Variants in PGM5 observed in about 807,000 individuals in gnomAD.
The protein encoded by PGM5 is phosphoglucomutase 5.
In PGM5, 23 loss-of-function variants were observed where a neutral mutation model predicts 59.2. The ratio of observed to expected loss-of-function variants is 0.39; its 90% CI spans 0.28 to 0.55. The LOEUF (loss-of-function observed/expected upper bound fraction) is 0.55, where lower values mean the gene tolerates loss of function less well. Ranked by LOEUF, PGM5 falls within the 20% of genes least tolerant of loss-of-function variation. The pLI is 0.66. For missense variants in PGM5, 574 were observed against 748.3 expected (o/e 0.77, Z 2.72); for synonymous variants, 214 against 286.0 (o/e 0.75, Z 2.54).
At chr9:68,486,438 C>T (rs1162805859) in intron 9 of PGM5, among the ~76,000 whole-genome samples, 1 of 152,214 alleles carries the variant, frequency 6.6e-6, no homozygotes, top group Non-Finnish European at 1.5e-5. Context: ...TTCCTCCCAA[C>T]ATCCCTCCAA....
rs1452276349 is a variant in PGM5 at position 68,495,503 on chromosome 9, G to A, written c.1480-3724G>A. ...GCTTTCCTAATACTTGGCTCTTGAA[G>A]GAATGTCTCAGGCAGAGCTTCATAC... On this transcript the variant is annotated intron_variant, in intron 9 of 10. Transcript: ENST00000396396. Among the ~76,000 whole-genome samples the A allele has an allele frequency of 2.0e-5, 3 of 152,292 alleles. No individual in the cohort carries two copies. The East Asian group carries it at 5.8e-4, about 29-fold the overall frequency.
Position 68,430,508 on chromosome 9 carries a change from T to C in PGM5, c.1044-34585T>C, listed in dbSNP as rs11142366. Among the ~76,000 whole-genome samples the C allele has an allele frequency of 5.3e-3, 804 of 152,368 alleles. 1 individual carries two copies. The highest frequency in any genetic ancestry group is 0.019 in the African/African-American group (785 of 41,586). On this transcript the variant is annotated intron_variant, in intron 6 of 10. Coordinates refer to ENST00000396396, the MANE Select transcript of PGM5 (RefSeq NM_021965.4). ...ATTAGAATGGTATTTTTGTAAATCCTTGTACTTTCCTCACTGACTTTCAAA... is the reference window on the plus strand; with the variant it reads ...ATTAGAATGGTATTTTTGTAAATCCCTGTACTTTCCTCACTGACTTTCAAA...
chr9:68,381,239 T>C (rs1485246494), intron 2 of PGM5, among the ~76,000 whole-genome samples: 4 of 151,950 alleles, frequency 2.6e-5, no homozygotes, highest in Non-Finnish European at 4.4e-5. Flanking sequence ...ATCCCTGACA[T>C]GCAAGACTGG....
At chr9:68,376,160 A>G (rs1458320395) in intron 1 of PGM5, among the ~76,000 whole-genome samples, 13 of 152,320 alleles carry the variant, frequency 8.5e-5, no homozygotes, top group African/African-American at 2.9e-4. Context: ...TAATAGGACC[A>G]TTTGGGCTGC....
intron 7 of PGM5, among the ~76,000 whole-genome samples, chr9:68,473,013 T>C (rs1163773778): frequency 6.6e-6 from 1 of 152,156 alleles, no homozygotes; most frequent in Non-Finnish European, 1.5e-5. Context: ...TGACTTTTTT[T>C]TCAGTGAGCC....
intron 8 of PGM5, among the ~76,000 whole-genome samples, chr9:68,482,850 C>T (rs781964740): frequency 3.6e-4 from 55 of 152,238 alleles, no homozygotes; most frequent in Non-Finnish European, 7.6e-4. Flanking sequence ...TCTTGGTATA[C>T]ATCATCATAT....
chr9:68,439,515 G>GTA (rs1554683550), intron 6 of PGM5, among the ~76,000 whole-genome samples: 1 of 145,786 alleles, frequency 6.9e-6, no homozygotes, highest in African/African-American at 2.5e-5. Flanking sequence ...ATATATGAGT[G>GTA]TATATATATA....
intron 10 of PGM5, among the ~76,000 whole-genome samples, chr9:68,501,029 T>C (rs1186104620): frequency 6.6e-6 from 1 of 152,096 alleles, no homozygotes; most frequent in Non-Finnish European, 1.5e-5. Context: ...TAGAAGGTCA[T>C]GTGAGTAAAG....
chr9:68,504,836 C>T (rs112898439), intron 10 of PGM5, among the ~76,000 whole-genome samples: 8 of 152,290 alleles, frequency 5.3e-5, no homozygotes, highest in South Asian at 2.1e-4. Flanking sequence ...AAATGCCCAA[C>T]GCAGTTTTGC....
At chr9:68,372,794 G>A (rs1339482595) in intron 1 of PGM5, among the ~76,000 whole-genome samples, 44 of 152,134 alleles carry the variant, frequency 2.9e-4, no homozygotes, top group Non-Finnish European at 5.3e-4. Flanking sequence ...TGACAAAGTG[G>A]GAGCAGGCAT....
chr9:68,397,101 G>A, intron 6 of PGM5: 1 of 152,696 alleles, frequency 6.5e-6, no homozygotes, highest in Admixed American at 6.5e-5. Context: ...TTTCAGCCTT[G>A]AAAATGGCAT....
chr9:68,517,361 A>G (rs1035478628), intron 10 of PGM5, among the ~76,000 whole-genome samples: 2 of 152,158 alleles, frequency 1.3e-5, no homozygotes, highest in African/African-American at 4.8e-5. Flanking sequence ...TAATACAAAA[A>G]TCTCTATTTC....
At chr9:68,365,381 T>C (rs1274607223) in intron 1 of PGM5, among the ~76,000 whole-genome samples, 1 of 148,750 alleles carries the variant, frequency 6.7e-6, no homozygotes, top group African/African-American at 2.5e-5. Flanking sequence ...CTACTACTTC[T>C]ACTTAACACA....
At chr9:68,398,648 A>G (rs1317855770) in intron 6 of PGM5, 1 of 152,196 alleles carries the variant, frequency 6.6e-6, no homozygotes, top group African/African-American at 2.4e-5. Flanking sequence ...CTATAACCAA[A>G]CTGCACTGGA....
rs577722245 is a variant in PGM5, at chr9:68,528,599, TACTCTACATGGAAAAAACAATACC to T, written c.1615-964_1615-941del. Among the ~76,000 whole-genome samples the T allele has an allele frequency of 1.1e-3, 175 of 152,334 alleles. 1 individual carries two copies. The highest frequency in any genetic ancestry group is 4.1e-3 in the African/African-American group (171 of 41,592). On this transcript the variant is annotated intron_variant, in intron 10 of 10. Transcript: ENST00000396396. ...TCAATCTACTTATTTATTATAAAAG[TACTCTACATGGAAAAAACAATACC>T]ACTTGATAAATATAAGCACATCATG...
At position 68,512,846 on chromosome 9, in the gene PGM5, C is replaced by T. The variant is rs144099964; in HGVS notation, c.1614+13485C>T. Among the ~76,000 whole-genome samples the T allele has an allele frequency of 3.7e-3, 567 of 152,276 alleles. 4 individuals carry two copies. Among genetic ancestry groups the T allele is most frequent in the African/African-American group, 0.012 (511 of 41,540 alleles). On this transcript the variant is annotated intron_variant, in intron 10 of 10. Transcript: ENST00000396396. ...TCAACTGCCACTGTTGCACAAAAGC[C>T]GCCACAGGTAATACATAAATGAATT... is the stretch of plus-strand genomic sequence containing the variant.
chr9:68,483,570 T>A (rs1237388919), intron 8 of PGM5, among the ~76,000 whole-genome samples: 1 of 152,168 alleles, frequency 6.6e-6, no homozygotes, highest in Non-Finnish European at 1.5e-5. Context: ...CCAGGGCAGA[T>A]CCCACAGTGC....
At chr9:68,400,454 C>A (rs1310119250) in intron 6 of PGM5, 1 of 152,464 alleles carries the variant, frequency 6.6e-6, no homozygotes, top group Non-Finnish European at 1.5e-5. Context: ...CCACTTTGTT[C>A]TTCTTTATCT....
At chr9:68,477,848 C>T (rs897534694) in intron 7 of PGM5, among the ~76,000 whole-genome samples, 7 of 152,136 alleles carry the variant, frequency 4.6e-5, no homozygotes, top group Non-Finnish European at 1.0e-4. Context: ...AGATGAGTAC[C>T]GCAAACAAAG....
Sources: gnomAD v4.1 joint callset for allele counts (sites outside exome capture counted in the v4.1 genomes callset) on GRCh38, gnomAD v4.1.1 for gene constraint, MANE v1.5 for transcripts, NCBI Gene and HGNC (gene_info 2026-07-23, HGNC 2026-07-21) for gene names.